CFAP251: variants seen among roughly 807,000 people sequenced by gnomAD.
CFAP251 encodes the protein cilia and flagella associated protein 251.
In CFAP251, 93 loss-of-function variants were observed where a neutral mutation model predicts 126.7. The observed-to-expected ratio is 0.73, with a 90% CI of 0.62 to 0.87. The LOEUF (loss-of-function observed/expected upper bound fraction) is 0.87. Ranked by LOEUF, CFAP251 falls within the 40% of genes least tolerant of loss-of-function variation. CFAP251 has a pLI of 0.00. For synonymous variants in CFAP251, 503 were observed against 506.9 expected (o/e 0.99, Z 0.10); for missense variants, 1,287 against 1,389.2 (o/e 0.93, Z 1.17).
chr12:121,953,979 G>T, intron 9 of CFAP251, 141 bp from the exon 10 acceptor site: 1 of 828,116 alleles, frequency 1.2e-6, no homozygotes. Flanking sequence ...GCAATTCATG[G>T]GAGACGGTTT....
At chr12:121,965,970 T>C (rs1163577435) in intron 15 of CFAP251, among the ~76,000 whole-genome samples, 1 of 151,618 alleles carries the variant, frequency 6.6e-6, no homozygotes, top group East Asian at 1.9e-4. Context: ...TAATTTTTCA[T>C]AGAGACAGGA....
intron 2 of CFAP251, 69 bp from the exon 3 acceptor site, chr12:121,923,553 A>G (rs532990978): frequency 6.6e-7 from 1 of 1,520,466 alleles, no homozygotes; most frequent in Non-Finnish European, 8.8e-7. Context: ...GCTGACTGGG[A>G]ATAGAAAAGG....
rs766754224 is a variant in CFAP251, at chr12:121,942,944, C to G, written c.1160C>G (p.Thr387Ser). ...TTGGCAGTGGAAACGCCAGCATGCACTCTCGAACTCCCCACAGAGTACGGT... is the reference window on the plus strand; with the variant it reads ...TTGGCAGTGGAAACGCCAGCATGCAGTCTCGAACTCCCCACAGAGTACGGT... ...WTLAVETPAC[T>S]LELPTEYGVQ... Residue 387 changes from threonine to serine, a missense_variant, in exon 7 of 22, where the codon ACT becomes AGT. Thr to Ser is a moderately conservative substitution (Grantham distance 58). Coordinates refer to ENST00000288912, the MANE Select transcript of CFAP251 (RefSeq NM_144668.6). 4 of 1,614,172 alleles carry G rather than the reference C, an allele frequency of 2.5e-6. No homozygotes were observed. In the South Asian group the frequency reaches 4.4e-5, roughly 18 times the overall value.
intron 19 of CFAP251, chr12:121,992,499 T>TA (rs1352555653): frequency 1.1e-4 from 113 of 985,244 alleles, no homozygotes; most frequent in Non-Finnish European, 1.3e-4. Flanking sequence ...TTTGTCGTCT[T>TA]AGTCTCCTGT....
At chr12:121,935,471 G>A (rs1475822841) in intron 5 of CFAP251, among the ~76,000 whole-genome samples, 1 of 152,230 alleles carries the variant, frequency 6.6e-6, no homozygotes, top group Admixed American at 6.5e-5. Flanking sequence ...CCACCCAGGA[G>A]ACCACATTCG....
chr12:121,968,207 A>C, intron 17 of CFAP251, 38 bp downstream of exon 17: 1 of 1,547,994 alleles, frequency 6.5e-7, no homozygotes, highest in Non-Finnish European at 8.8e-7. Context: ...TCAAGTGTAA[A>C]CTCCTTTTCA....
intron 9 of CFAP251, chr12:121,953,262 A>G (rs1177793639): frequency 3.9e-5 from 6 of 152,356 alleles, no homozygotes; most frequent in Admixed American, 6.5e-5. Context: ...AAAAATGCAA[A>G]CAACATGGCA....
At chr12:121,988,367 C>A (rs1447751768) in intron 19 of CFAP251, among the ~76,000 whole-genome samples, 3 of 152,172 alleles carry the variant, frequency 2.0e-5, no homozygotes, top group Non-Finnish European at 4.4e-5. Context: ...CAAAAAGAAA[C>A]CCCAGACCCA....
Position 121,924,316 on chromosome 12 carries a change from T to C in CFAP251, c.747+326T>C, listed in dbSNP as rs1312598174. Among the ~76,000 whole-genome samples the C allele has an allele frequency of 5.3e-5, 8 of 151,746 alleles. No individual in the cohort carries two copies. In the South Asian group the frequency reaches 1.3e-3, roughly 24 times the overall value. On this transcript the variant is annotated intron_variant, in intron 3 of 21. Transcript: ENST00000288912. ...GTAGAGATGGCGTCTCGCCACGCCA[T>C]GTTGGCCAGGTTGGTCTTGAACTCC...
At chr12:121,923,492 C>A in intron 2 of CFAP251, 130 bp from the exon 3 acceptor site, 2 of 1,244,702 alleles carry the variant, frequency 1.6e-6, no homozygotes, top group Non-Finnish European at 2.2e-6. Flanking sequence ...ATGTTCCAGC[C>A]TCTTTTAAAA....
intron 3 of CFAP251, among the ~76,000 whole-genome samples, chr12:121,924,854 T>G (rs1322937365): frequency 6.6e-6 from 1 of 152,058 alleles, no homozygotes; most frequent in Non-Finnish European, 1.5e-5. Context: ...CCAGACATAG[T>G]TTGTCTGTTG....
chr12:121,924,767 A>T lies in CFAP251; in HGVS notation c.747+777A>T, dbSNP rs567155991. 2.0e-3 allele frequency among the ~76,000 whole-genome samples: 303 copies of T among 152,284 alleles called. 1 individual carries two copies. Among genetic ancestry groups the T allele is most frequent in the Non-Finnish European group, 3.5e-3 (240 of 68,018 alleles). The stretch of plus-strand genomic sequence containing the variant: ...TTTTAAAGTTCGGTTAAGAGCTCCG[A>T]CTGGAACACGTGTGACTGAACATGA... On this transcript the variant is annotated intron_variant, in intron 3 of 21. Coordinates refer to ENST00000288912, the MANE Select transcript of CFAP251 (RefSeq NM_144668.6).
intron 19 of CFAP251, among the ~76,000 whole-genome samples, chr12:121,988,565 C>A (rs2135810380): frequency 6.6e-6 from 1 of 152,262 alleles, no homozygotes; most frequent in Admixed American, 6.5e-5. Flanking sequence ...GTCCTTCATT[C>A]TTTTCTTTAT....
At chr12:121,928,921 T>C (rs1880566449) in intron 3 of CFAP251, among the ~76,000 whole-genome samples, 1 of 151,790 alleles carries the variant, frequency 6.6e-6, no homozygotes, top group Non-Finnish European at 1.5e-5. Context: ...GGTCTTGAAC[T>C]CCTGGGATCA....
intron 17 of CFAP251, among the ~76,000 whole-genome samples, chr12:121,972,746 C>T (rs987695593): frequency 3.9e-5 from 6 of 152,142 alleles, no homozygotes; most frequent in African/African-American, 1.2e-4. Flanking sequence ...CCTCGGCCTC[C>T]CAAAGTGCTG....
At position 121,918,926 on chromosome 12, in the gene CFAP251, C is replaced by T. The variant is rs1030736754; in HGVS notation, c.-21+231C>T. 6.6e-6 allele frequency among the ~76,000 whole-genome samples: 1 copy of T among 152,082 alleles called. No individual in the cohort carries two copies. Among genetic ancestry groups the T allele is most frequent in the East Asian group, 1.9e-4 (1 of 5,180 alleles). ...GCCCCAAACCCCTGCGGCTCGAACC[C>T]GGCTGTCCAGACGCGCCGGCGAAGT... On this transcript the variant is annotated intron_variant, in intron 1 of 21. Coordinates refer to ENST00000288912, the MANE Select transcript of CFAP251 (RefSeq NM_144668.6). The surrounding 1 kb of genome is among the most constrained non-coding windows in gnomAD (Gnocchi z 4.3).
At position 122,003,873 on chromosome 12, in the gene CFAP251, CT is replaced by C; in HGVS notation, c.*112del. 1.3e-6 allele frequency: 1 copy of C among 757,688 alleles called. No individual in the cohort carries two copies. 46.9% of individuals were successfully genotyped at this position (757,688 alleles called of 1,614,324 possible). A position where few individuals can be genotyped will look rare whatever the true frequency, so the allele number is the denominator to read the frequency against. ...TATGCATTTCCCTCCCCCCTCTCAT[CT>C]TTAGAACATTTAGACATTAAAGCAA... On this transcript the variant is annotated 3_prime_UTR_variant, in exon 22 of 22. Coordinates refer to ENST00000288912, the MANE Select transcript of CFAP251 (RefSeq NM_144668.6).
chr12:121,996,718 G>A (rs1046765479), intron 19 of CFAP251, among the ~76,000 whole-genome samples: 18 of 152,116 alleles, frequency 1.2e-4, no homozygotes, highest in Non-Finnish European at 2.2e-4. Flanking sequence ...GATCTCATGG[G>A]CTTGGGCTCT....
intron 5 of CFAP251, among the ~76,000 whole-genome samples, chr12:121,935,032 C>G (rs1413710265): frequency 6.6e-6 from 1 of 152,190 alleles, no homozygotes; most frequent in Non-Finnish European, 1.5e-5. Flanking sequence ...GAACTCCTGG[C>G]TTCAAGAGAT....
Sources: allele counts gnomAD v4.1 joint callset (sites outside exome capture counted in the v4.1 genomes callset), GRCh38; gene constraint gnomAD v4.1.1; non-coding constraint Gnocchi (gnomAD v3.1); transcripts MANE v1.5; gene names NCBI Gene and HGNC (gene_info 2026-07-23, HGNC 2026-07-21).